Variants in AGGF1 observed in about 807,000 individuals in gnomAD.
AGGF1 encodes angiogenic factor with G-patch and FHA domains 1, also known as angiogenic factor with G patch and FHA domains 1.
Under a neutral mutation model 86.5 loss-of-function variants are expected in AGGF1, and 56 were observed. That is an observed-to-expected ratio of 0.65 (90% CI 0.52 to 0.81). The LOEUF is 0.81. Among genes scored for constraint, AGGF1 ranks in the 30% least tolerant of loss-of-function variants. The pLI is 0.00. For missense variants in AGGF1, 816 were observed against 850.9 expected (o/e 0.96, Z 0.51); for synonymous variants, 313 against 297.1 (o/e 1.05, Z -0.55).
chr5:77,051,216 G>A (rs1004262485), intron 8 of AGGF1, among the ~76,000 whole-genome samples: 1 of 152,114 alleles, frequency 6.6e-6, no homozygotes, highest in Non-Finnish European at 1.5e-5. Flanking sequence ...GGCAGATCAC[G>A]AGGTCAGAAG....
intron 5 of AGGF1, among the ~76,000 whole-genome samples, chr5:77,044,278 A>G (rs1747203576): frequency 6.6e-6 from 1 of 152,124 alleles, no homozygotes; most frequent in African/African-American, 2.4e-5. Flanking sequence ...ACTGCACTCC[A>G]GCCTGGGCAC....
chr5:77,058,491 A>G (rs1262579724), intron 11 of AGGF1, among the ~76,000 whole-genome samples: 2 of 152,180 alleles, frequency 1.3e-5, no homozygotes, highest in Non-Finnish European at 2.9e-5. Flanking sequence ...GAAATCATAG[A>G]AAAAAGCAAG....
intron 1 of AGGF1, 28 bp downstream of exon 1, chr5:77,031,004 C>G (rs1390247881): frequency 6.2e-7 from 1 of 1,609,730 alleles, no homozygotes. Flanking sequence ...GCCCCGCGCC[C>G]CATCCAGCCC....
intron 1 of AGGF1, among the ~76,000 whole-genome samples, chr5:77,032,464 T>C (rs1388887610): frequency 1.4e-5 from 2 of 147,810 alleles, no homozygotes; most frequent in African/African-American, 5.1e-5. Flanking sequence ...AGCTACAGGC[T>C]GAGGCAGGAG....
chr5:77,061,138 T>G (rs1747557603), intron 12 of AGGF1, among the ~76,000 whole-genome samples: 1 of 152,114 alleles, frequency 6.6e-6, no homozygotes, highest in African/African-American at 2.4e-5. Context: ...CATCATAAGA[T>G]TAACATATTG....
chr5:77,038,957 A>T (rs930788690), intron 4 of AGGF1, among the ~76,000 whole-genome samples: 4 of 152,182 alleles, frequency 2.6e-5, no homozygotes, highest in African/African-American at 9.6e-5. Flanking sequence ...GAGACAGTTT[A>T]TTGATTGCAT....
At position 77,048,972 on chromosome 5, in the gene AGGF1, A is replaced by T. The variant is rs1266039185; in HGVS notation, c.1350A>T (p.Glu450Asp). ...TGGAACATACTCTCCGAATCCCTGA[A>T]GTTGGTGTCAGTAAGGTAAGCTCTT... ...KDMEHTLRIP[E>D]VGVSKFHAEI... Residue 450 changes from glutamate (E) to aspartate (D), a missense_variant, in exon 8 of 14, where the codon GAA becomes GAT. This residue lies in a region of AGGF1 where 565 missense variants were observed against 585.8 expected (regional missense o/e 0.96). Coordinates refer to ENST00000312916, the MANE Select transcript of AGGF1 (RefSeq NM_018046.5). The T allele has an allele frequency of 6.2e-7, 1 of 1,613,778 alleles. No homozygotes were observed. Among genetic ancestry groups the T allele is most frequent in the Non-Finnish European group, 8.5e-7 (1 of 1,179,856 alleles).
At chr5:77,058,453 G>A (rs986056267) in intron 11 of AGGF1, among the ~76,000 whole-genome samples, 8 of 152,080 alleles carry the variant, frequency 5.3e-5, no homozygotes, top group Non-Finnish European at 8.8e-5. Context: ...TGTATCTTTC[G>A]TTGTTGTTGC....
At position 77,039,635 on chromosome 5, in the gene AGGF1, G is replaced by T; in HGVS notation, c.786G>T (p.Pro262=). The T allele has an allele frequency of 3.7e-6, 6 of 1,613,060 alleles. No individual in the cohort carries two copies. The highest frequency in any genetic ancestry group is 2.2e-5 in the South Asian group (2 of 90,924). ...CTCGAGTAGATTTGCAACCTTATCC[G>T]ACTTCTAGCACAAAACAAAGTAAAG... ...FHSRVDLQPY[P]TSSTKQSKDK... is the part of the protein sequence containing the mutation. The change falls in exon 5 of 14, where the codon CCG becomes CCT. Residue 262 remains proline (P), a synonymous_variant. Coordinates refer to ENST00000312916, the MANE Select transcript of AGGF1 (RefSeq NM_018046.5).
At chr5:77,045,190 C>G (rs1747221403) in intron 5 of AGGF1, among the ~76,000 whole-genome samples, 1 of 151,924 alleles carries the variant, frequency 6.6e-6, no homozygotes, top group African/African-American at 2.4e-5. Flanking sequence ...CGTTAGAAAC[C>G]AAGGGAAAAA....
At chr5:77,034,299 G>A (rs781263337) in intron 1 of AGGF1, 119 bp from the exon 2 acceptor site, 69 of 699,464 alleles carry the variant, frequency 9.9e-5, no homozygotes, top group Non-Finnish European at 1.6e-4. Flanking sequence ...TTTTCTGAAA[G>A]GGAAACTTGC....
Position 77,031,154 on chromosome 5 carries a change from C to T in AGGF1, c.210+178C>T, listed in dbSNP as rs537352815. ...AGTACCTTAGGAGCAAACCTGAGTT[C>T]AGGTTACTTGATTTAAATCAATGTC... is the stretch of plus-strand genomic sequence containing the variant. On this transcript the variant is annotated intron_variant, in intron 1 of 13. Coordinates refer to ENST00000312916, the MANE Select transcript of AGGF1 (RefSeq NM_018046.5). 5.9e-5 allele frequency among the ~76,000 whole-genome samples: 9 copies of T among 152,342 alleles called. No homozygotes were observed. In the South Asian group the frequency reaches 1.9e-3, roughly 32 times the overall value.
rs1290153286 is a variant in AGGF1, at chr5:77,043,703, C to T, written c.871-2644C>T. On this transcript the variant is annotated intron_variant, in intron 5 of 13. Coordinates refer to ENST00000312916, the MANE Select transcript of AGGF1 (RefSeq NM_018046.5). ...TGATCCCCCCCACCTCCCTCCCGGA[C>T]GGGGTGGCTGCCGGGCGGAGACGCT... Among the ~76,000 whole-genome samples the T allele has an allele frequency of 1.2e-4, 16 of 139,010 alleles. No individual in the cohort carries two copies. In the East Asian group the frequency reaches 1.4e-3, roughly 12 times the overall value. The allele number at this position is 139,010 out of a possible 152,430, so 91.2% of individuals were successfully genotyped here. A position where few individuals can be genotyped will look rare whatever the true frequency, so the allele number is the denominator to read the frequency against.
rs887059236 is a variant in AGGF1, at chr5:77,031,651, T to C, written c.210+675T>C. ...GCTCACGCCTGTAATCCCAGCACTTTGGGAGGCCGAGGCGGGCAGATCACC... is the reference window on the plus strand; with the variant it reads ...GCTCACGCCTGTAATCCCAGCACTTCGGGAGGCCGAGGCGGGCAGATCACC... On this transcript the variant is annotated intron_variant, in intron 1 of 13. Transcript: ENST00000312916. Among the ~76,000 whole-genome samples, 10 of 152,154 alleles carry C rather than the reference T, an allele frequency of 6.6e-5. 1 individual carries two copies. The highest frequency in any genetic ancestry group is 1.4e-4 in the African/African-American group (6 of 41,442).
intron 8 of AGGF1, 35 bp from the exon 9 acceptor site, chr5:77,052,671 T>C (rs1209495044): frequency 3.4e-6 from 5 of 1,471,008 alleles, no homozygotes; most frequent in Non-Finnish European, 4.7e-6. Context: ...TTGAAAAGTA[T>C]AATAATTAAT....
At chr5:77,037,319 A>G (rs1362162318) in intron 4 of AGGF1, among the ~76,000 whole-genome samples, 19 of 152,212 alleles carry the variant, frequency 1.2e-4, no homozygotes, top group Admixed American at 1.2e-3. Flanking sequence ...TTAATAGAGA[A>G]GTGAGGTTAA....
At chr5:77,054,895 T>C (rs1412778192) in intron 10 of AGGF1, among the ~76,000 whole-genome samples, 3 of 152,278 alleles carry the variant, frequency 2.0e-5, no homozygotes, top group Middle Eastern at 3.4e-3. Flanking sequence ...TTCTGTCCTA[T>C]TGATAGCTCG....
At chr5:77,043,788 C>A (rs1747190509) in intron 5 of AGGF1, among the ~76,000 whole-genome samples, 1 of 115,394 alleles carries the variant, frequency 8.7e-6, no homozygotes, top group African/African-American at 3.1e-5. Context: ...TCAGAGTGGG[C>A]AGCTGCCGGG....
At chr5:77,038,928 T>C (rs1747010675) in intron 4 of AGGF1, among the ~76,000 whole-genome samples, 1 of 152,198 alleles carries the variant, frequency 6.6e-6, no homozygotes, top group African/African-American at 2.4e-5. Context: ...TTATTTACTA[T>C]AGAACTGATT....
Sources: gnomAD v4.1 joint callset for allele counts (sites outside exome capture counted in the v4.1 genomes callset) on GRCh38, gnomAD v4.1.1 for gene constraint, gnomAD v4.1.1 regional missense constraint, MANE v1.5 for transcripts, NCBI Gene and HGNC (gene_info 2026-07-23, HGNC 2026-07-21) for gene names.